Variants in POLR3B observed in about 807,000 individuals in gnomAD.
POLR3B encodes the protein DNA-directed RNA polymerase III subunit RPC2.
POLR3B carries 96 observed loss-of-function variants against 147.4 expected under a neutral mutation model. That is an observed-to-expected ratio of 0.65 (90% CI 0.55 to 0.77). The LOEUF (loss-of-function observed/expected upper bound fraction) is 0.77, where lower values mean the gene tolerates loss of function less well. Ranked by LOEUF, POLR3B falls within the 30% of genes least tolerant of loss-of-function variation. The pLI is 0.00. For synonymous variants in POLR3B, 461 were observed against 485.9 expected, an observed-to-expected ratio of 0.95 and a Z score of 0.67; for missense variants, 1,036 against 1,413.5, an observed-to-expected ratio of 0.73 and a Z score of 4.28.
At chr12:106,453,642 T>C (rs1213010782) in intron 19 of POLR3B, among the ~76,000 whole-genome samples, 1 of 152,160 alleles carries the variant, frequency 6.6e-6, no homozygotes, top group Non-Finnish European at 1.5e-5. Context: ...AACATCTCTT[T>C]GTAGCATCAG....
chr12:106,387,402 T>C lies in POLR3B; in HGVS notation c.724-5629T>C, dbSNP rs77590118. Among the ~76,000 whole-genome samples the C allele has an allele frequency of 6.8e-3, 1,035 of 152,336 alleles. 18 individuals are homozygous for C. The highest frequency in any genetic ancestry group is 0.024 in the African/African-American group (995 of 41,560). On this transcript the variant is annotated intron_variant, in intron 9 of 27. Coordinates refer to ENST00000228347, the MANE Select transcript of POLR3B (RefSeq NM_018082.6). ...AAACACAACCCTAGGATGACTGTTA[T>C]ACATACCTGTTTGTGCACATTGCTG... is the stretch of plus-strand genomic sequence containing the variant.
At chr12:106,482,091 A>G (rs1336823113) in intron 23 of POLR3B, among the ~76,000 whole-genome samples, 4 of 152,234 alleles carry the variant, frequency 2.6e-5, no homozygotes, top group Non-Finnish European at 5.9e-5. Context: ...TTATCTGAAA[A>G]TAATTTATCT....
At chr12:106,384,164 C>G (rs918955576) in intron 9 of POLR3B, among the ~76,000 whole-genome samples, 1 of 151,936 alleles carries the variant, frequency 6.6e-6, no homozygotes, top group Non-Finnish European at 1.5e-5. Context: ...CAGGGACAAA[C>G]CTTAAATTTG....
At chr12:106,497,044 G>A (rs1032334795) in intron 25 of POLR3B, 126 bp downstream of exon 25, 1 of 926,596 alleles carries the variant, frequency 1.1e-6, no homozygotes, top group South Asian at 1.3e-5. Context: ...TGGGCGGCAT[G>A]TGGCCCAGGA....
rs1379496047 is a variant in POLR3B at position 106,433,697 on chromosome 12, C to T, written c.1628-22C>T. 7 of 1,605,228 alleles carry T rather than the reference C, an allele frequency of 4.4e-6. No homozygotes were observed. The East Asian group carries it at 1.6e-4, about 36-fold the overall frequency. Reference sequence around the variant, plus strand: ...GCATTTATTTTTTATTTCTGTCTTACCTGTTCTTTCTTTTTGCCTAGGTAA... The same window carrying T: ...GCATTTATTTTTTATTTCTGTCTTATCTGTTCTTTCTTTTTGCCTAGGTAA... On this transcript the variant is annotated intron_variant, in intron 15 of 27. Coordinates refer to ENST00000228347, the MANE Select transcript of POLR3B (RefSeq NM_018082.6).
intron 9 of POLR3B, among the ~76,000 whole-genome samples, chr12:106,386,203 G>A (rs922389936): frequency 2.6e-5 from 4 of 152,132 alleles, no homozygotes; most frequent in African/African-American, 9.6e-5. Flanking sequence ...AAAACTAGCC[G>A]GGCATGGTGG....
At chr12:106,432,989 T>A (rs2037529582) in intron 15 of POLR3B, among the ~76,000 whole-genome samples, 1 of 152,178 alleles carries the variant, frequency 6.6e-6, no homozygotes, top group African/African-American at 2.4e-5. Context: ...GCAAGTGTGC[T>A]CTCTTCCTTT....
chr12:106,426,551 G>A (rs942588790), intron 12 of POLR3B, among the ~76,000 whole-genome samples: 2 of 151,774 alleles, frequency 1.3e-5, no homozygotes, highest in African/African-American at 2.4e-5. Flanking sequence ...TCCTGACCTC[G>A]TGATCAACCC....
In POLR3B at chr12:106,403,852, C is replaced by A. The variant is rs567674204; in HGVS notation, c.847-2005C>A. Among the ~76,000 whole-genome samples, 419 of 150,972 alleles carry A rather than the reference C, an allele frequency of 2.8e-3. 4 individuals carry two copies. The highest frequency in any genetic ancestry group is 9.6e-3 in the African/African-American group (395 of 41,126). On this transcript the variant is annotated intron_variant, in intron 10 of 27. Transcript: ENST00000228347. ...GGAGGGATAGCATTGGGAGGTAATA[C>A]CTAATGCTAAATGACGAGTTAATGG...
rs566965356 is a variant in POLR3B at position 106,442,703 on chromosome 12, G to A, written c.1956-1760G>A. On this transcript the variant is annotated intron_variant, in intron 18 of 27. Transcript: ENST00000228347. ...GTACATTCCATTGATGGGCTGGGAC[G>A]TGGTTTCTTGGACATCACTTCAGTC... 2.0e-4 allele frequency among the ~76,000 whole-genome samples: 30 copies of A among 150,674 alleles called. No homozygotes were observed. In the South Asian group the frequency reaches 5.2e-3, roughly 26 times the overall value.
At chr12:106,440,399 C>T (rs963175574) in intron 18 of POLR3B, among the ~76,000 whole-genome samples, 10 of 152,310 alleles carry the variant, frequency 6.6e-5, no homozygotes, top group African/African-American at 2.4e-4. Context: ...CCGTTCTCTT[C>T]TCAAATCCCT....
In POLR3B at chr12:106,510,056, A is replaced by C. The variant is rs2038751053; in HGVS notation, c.*507A>C. 5.8e-6 allele frequency: 1 copy of C among 171,270 alleles called. No homozygotes were observed. The highest frequency in any genetic ancestry group is 1.3e-5 in the Non-Finnish European group (1 of 79,096). 10.6% of individuals were successfully genotyped at this position (171,270 alleles called of 1,614,324 possible). ...TTGCCTTTACACACCCAAACTTTGT[A>C]ATTTTAGTCTTGGTGAAATATAATG... is the stretch of plus-strand genomic sequence containing the variant. On this transcript the variant is annotated 3_prime_UTR_variant, in exon 28 of 28. Transcript: ENST00000228347.
intron 23 of POLR3B, among the ~76,000 whole-genome samples, chr12:106,487,524 A>G (rs2038355699): frequency 6.6e-6 from 1 of 152,240 alleles, no homozygotes; most frequent in Non-Finnish European, 1.5e-5. Flanking sequence ...AGAAAGTAAC[A>G]TGGCCCTGCA....
chr12:106,402,392 A>G (rs1467864252), intron 10 of POLR3B, among the ~76,000 whole-genome samples: 1 of 152,190 alleles, frequency 6.6e-6, no homozygotes, highest in Non-Finnish European at 1.5e-5. Context: ...TGCCCAAGGT[A>G]ATTTATAGAT....
At chr12:106,396,079 G>T (rs760907969) in intron 10 of POLR3B, among the ~76,000 whole-genome samples, 3 of 152,086 alleles carry the variant, frequency 2.0e-5, no homozygotes, top group Non-Finnish European at 4.4e-5. Context: ...CTAGTATATA[G>T]AGAAGAAAGT....
chr12:106,401,242 T>C (rs191950478), intron 10 of POLR3B, among the ~76,000 whole-genome samples: 93 of 152,316 alleles, frequency 6.1e-4, no homozygotes, highest in Admixed American at 9.8e-4. Context: ...GATAAACTCC[T>C]CGATACATAC....
intron 12 of POLR3B, among the ~76,000 whole-genome samples, chr12:106,417,607 T>C (rs1197346933): frequency 6.6e-6 from 1 of 152,142 alleles, no homozygotes; most frequent in East Asian, 1.9e-4. Context: ...AACTAAAATT[T>C]AAAAACTAGA....
chr12:106,378,224 T>C, intron 7 of POLR3B, 43 bp from the exon 8 acceptor site: 1 of 1,185,982 alleles, frequency 8.4e-7, no homozygotes, highest in Non-Finnish European at 1.3e-6. Context: ...TCAACACTGG[T>C]TGAGGAATAA....
intron 9 of POLR3B, among the ~76,000 whole-genome samples, chr12:106,386,072 G>A (rs574997129): frequency 2.7e-4 from 41 of 152,310 alleles, no homozygotes; most frequent in African/African-American, 9.4e-4. Flanking sequence ...GGGGCTGGGC[G>A]CGGTGGCTCA....
Sources: allele counts gnomAD v4.1 joint callset (sites outside exome capture counted in the v4.1 genomes callset), GRCh38; gene constraint gnomAD v4.1.1; transcripts MANE v1.5; gene names NCBI Gene and HGNC (gene_info 2026-07-23, HGNC 2026-07-21).